KREMEN1: variants seen among roughly 807,000 people sequenced by gnomAD.
The protein encoded by KREMEN1 is kringle containing transmembrane protein 1.
A neutral mutation model predicts 46.5 loss-of-function variants in KREMEN1; 30 were observed. That is an observed-to-expected ratio of 0.65 (90% CI 0.48 to 0.88). The LOEUF is 0.88. Ranked by LOEUF, KREMEN1 falls within the 40% of genes least tolerant of loss-of-function variation. The pLI, the probability that KREMEN1 is intolerant of heterozygous loss-of-function variation, is 0.00. For synonymous variants in KREMEN1, 214 were observed against 230.6 expected (o/e 0.93, Z 0.65); for missense variants, 533 against 596.9 (o/e 0.89, Z 1.11).
chr22:29,131,965 C>T (rs1178422147), intron 5 of KREMEN1, among the ~76,000 whole-genome samples: 2 of 142,984 alleles, frequency 1.4e-5, no homozygotes, highest in East Asian at 2.1e-4. Flanking sequence ...CTCCGCCTCC[C>T]TGGTTCAAGC....
intron 7 of KREMEN1, 177 bp downstream of exon 7, chr22:29,138,959 G>T: frequency 1.1e-6 from 1 of 903,742 alleles, no homozygotes; most frequent in Non-Finnish European, 1.7e-6. Flanking sequence ...TTATTAGCTT[G>T]GTTCCTTAGT....
intron 3 of KREMEN1, among the ~76,000 whole-genome samples, chr22:29,121,035 CTT>C (rs2038348021): frequency 6.6e-6 from 1 of 151,244 alleles, no homozygotes. Flanking sequence ...TTATTGGAGT[CTT>C]TCTGTTTTTA....
chr22:29,167,235 T>A, exon 10 of KREMEN1: 1 of 761,756 alleles, frequency 1.3e-6, no homozygotes, highest in Non-Finnish European at 2.2e-6. Context: ...GGTTCATGCC[T>A]GTAATACCAG....
At chr22:29,119,477 A>G (rs989341156) in intron 3 of KREMEN1, among the ~76,000 whole-genome samples, 2 of 152,206 alleles carry the variant, frequency 1.3e-5, no homozygotes, top group Non-Finnish European at 2.9e-5. Flanking sequence ...GCTTTTAATC[A>G]TGGCTTCATC....
At chr22:29,079,139 A>G (rs1340666597) in intron 1 of KREMEN1, among the ~76,000 whole-genome samples, 1 of 152,220 alleles carries the variant, frequency 6.6e-6, no homozygotes, top group African/African-American at 2.4e-5. Context: ...CATCGCAAAA[A>G]AATGTCAGAT....
rs530410219 is a variant in KREMEN1 at position 29,142,250 on chromosome 22, T to C, written c.*138T>C. On this transcript the variant is annotated 3_prime_UTR_variant, in exon 9 of 9. Transcript: ENST00000400335. The stretch of plus-strand genomic sequence containing the variant: ...GGCCTCTTCGGGGAAACCCTCCTCC[T>C]ACAGACTAGGAAGAGGCACCCTGCT... 1.5e-6 allele frequency: 2 copies of C among 1,368,382 alleles called. No individual in the cohort carries two copies. Among genetic ancestry groups the C allele is most frequent in the African/African-American group, 3.0e-5 (2 of 67,114 alleles). The allele number at this position is 1,368,382 out of a possible 1,614,324, so 84.8% of individuals were successfully genotyped here. A position where few individuals can be genotyped will look rare whatever the true frequency, so the allele number is the denominator to read the frequency against.
At chr22:29,101,972 G>T (rs1159341519) in intron 3 of KREMEN1, among the ~76,000 whole-genome samples, 1 of 152,222 alleles carries the variant, frequency 6.6e-6, no homozygotes, top group African/African-American at 2.4e-5. Context: ...ACTAAAGCAA[G>T]ATCTGCTTCT....
At chr22:29,130,383 G>A (rs2038513517) in intron 5 of KREMEN1, among the ~76,000 whole-genome samples, 1 of 152,112 alleles carries the variant, frequency 6.6e-6, no homozygotes, top group Admixed American at 6.5e-5. Context: ...TCAATTCTGA[G>A]GTGCAACATT....
chr22:29,096,756 AAC>A (rs77621423), intron 2 of KREMEN1, among the ~76,000 whole-genome samples: 8,340 of 152,290 alleles, frequency 0.055, 280 homozygotes, highest in East Asian at 0.12. Context: ...ATTGATAATA[AAC>A]AGTTTTCTAA....
intron 4 of KREMEN1, among the ~76,000 whole-genome samples, chr22:29,124,644 G>A (rs6005998): frequency 5.3e-4 from 80 of 151,950 alleles, no homozygotes; most frequent in Non-Finnish European, 1.0e-3. Context: ...AGGTGCCCAC[G>A]ACCACACCTG....
intron 3 of KREMEN1, among the ~76,000 whole-genome samples, chr22:29,105,822 G>A (rs2038050957): frequency 6.6e-6 from 1 of 152,196 alleles, no homozygotes; most frequent in East Asian, 1.9e-4. Flanking sequence ...GAGGATGCCA[G>A]CAGTTGCACT....
chr22:29,126,243 G>T, intron 5 of KREMEN1, among the ~76,000 whole-genome samples: 1 of 152,142 alleles, frequency 6.6e-6, no homozygotes, highest in East Asian at 1.9e-4. Context: ...GAGCAAAAAT[G>T]ACATATGGTT....
intron 9 of KREMEN1, among the ~76,000 whole-genome samples, chr22:29,162,104 G>C (rs984838592): frequency 6.7e-6 from 1 of 149,568 alleles, no homozygotes; most frequent in African/African-American, 2.5e-5. Context: ...ATAACAGAGC[G>C]AGACTCTACC....
At position 29,073,161 on chromosome 22, in the gene KREMEN1, C is replaced by T; in HGVS notation, c.31C>T (p.Leu11Phe). 1 of 1,156,216 alleles carries T rather than the reference C, an allele frequency of 8.6e-7. No homozygotes were observed. Among genetic ancestry groups the T allele is most frequent in the Non-Finnish European group, 1.1e-6 (1 of 941,248 alleles). 71.6% of individuals were successfully genotyped at this position (1,156,216 alleles called of 1,614,324 possible). Residue 11 changes from leucine (L) to phenylalanine (F), a missense_variant, in exon 1 of 9, where the codon CTC becomes TTC. Physicochemically the swap from Leu to Phe is conservative, Grantham distance 22. Coordinates refer to ENST00000400335, the MANE Select transcript of KREMEN1 (RefSeq NM_001039570.3). This position sits in a 1 kb window ranked among gnomAD's most constrained non-coding sequence, Gnocchi z 4.4. Reference protein sequence around the residue: MAPPAARLALLSAAALTLAAR... With the variant: MAPPAARLALFSAAALTLAAR... ...GCCGCCAGCCGCCCGCCTCGCCCTG[C>T]TCTCCGCCGCGGCGCTCACGCTGGC...
intron 1 of KREMEN1, 75 bp from the exon 2 acceptor site, chr22:29,094,183 A>G: frequency 7.5e-7 from 1 of 1,340,690 alleles, no homozygotes; most frequent in African/African-American, 1.5e-5. Context: ...AAACAAAACA[A>G]AACATCAACC....
downstream of KREMEN1, among the ~76,000 whole-genome samples, chr22:29,150,913 T>G (rs2038909973): frequency 6.6e-6 from 1 of 152,184 alleles, no homozygotes; most frequent in Non-Finnish European, 1.5e-5. Context: ...CCGCCAAGGT[T>G]CGGACTCAGC....
chr22:29,087,101 T>C (rs2037742345), intron 1 of KREMEN1, among the ~76,000 whole-genome samples: 1 of 152,184 alleles, frequency 6.6e-6, no homozygotes, highest in Non-Finnish European at 1.5e-5. Flanking sequence ...TAGATTTCTA[T>C]AATCTATCTA....
chr22:29,111,132 C>A (rs570779547), intron 3 of KREMEN1, among the ~76,000 whole-genome samples: 10 of 151,686 alleles, frequency 6.6e-5, no homozygotes, highest in Middle Eastern at 3.4e-3. Flanking sequence ...CATAGTGAGA[C>A]CCCATCTCTA....
chr22:29,110,082 C>T (rs2038121816), intron 3 of KREMEN1, among the ~76,000 whole-genome samples: 2 of 152,162 alleles, frequency 1.3e-5, no homozygotes, highest in Non-Finnish European at 2.9e-5. Flanking sequence ...CATCCCCAGC[C>T]GCAGTGACTT....
Sources: gnomAD v4.1 joint callset for allele counts (sites outside exome capture counted in the v4.1 genomes callset) on GRCh38, gnomAD v4.1.1 for gene constraint, Gnocchi (gnomAD v3.1) non-coding constraint, MANE v1.5 for transcripts, NCBI Gene and HGNC (gene_info 2026-07-23, HGNC 2026-07-21) for gene names.